SLC37A1: variants seen among roughly 807,000 people sequenced by gnomAD.
The protein encoded by SLC37A1 is glucose-6-phosphate exchanger SLC37A1.
SLC37A1 carries 49 observed loss-of-function variants against 75.3 expected under a neutral mutation model. The ratio of observed to expected loss-of-function variants is 0.65; its 90% CI spans 0.52 to 0.83. The LOEUF (loss-of-function observed/expected upper bound fraction) is 0.83, where lower values mean the gene tolerates loss of function less well. Ranked by LOEUF, SLC37A1 falls within the 40% of genes least tolerant of loss-of-function variation. The probability of loss-of-function intolerance (pLI) is 0.00; values close to 1 mark genes in which losing one functional copy is unlikely to be tolerated. For synonymous variants in SLC37A1, 268 were observed against 292.1 expected (o/e 0.92, Z 0.84); for missense variants, 566 against 695.0 (o/e 0.81, Z 2.09).
At position 42,545,478 on chromosome 21, in the gene SLC37A1, C is replaced by T. The variant is rs2055384743; in HGVS notation, c.731-1625C>T. Among the ~76,000 whole-genome samples, 1 of 152,292 alleles carries T rather than the reference C, an allele frequency of 6.6e-6. No individual in the cohort carries two copies. Among genetic ancestry groups the T allele is most frequent in the East Asian group, 1.9e-4 (1 of 5,180 alleles). On this transcript the variant is annotated intron_variant, in intron 8 of 19. Coordinates refer to ENST00000352133, the MANE Select transcript of SLC37A1 (RefSeq NM_001320537.2). The surrounding 1 kb of genome is among the most constrained non-coding windows in gnomAD (Gnocchi z 4.0). ...GCATCAGATGTGCCATTCTTGCGGTCAACAGAGGATGTGGCTTTCTCTGCT... is the reference window on the plus strand; with the variant it reads ...GCATCAGATGTGCCATTCTTGCGGTTAACAGAGGATGTGGCTTTCTCTGCT...
At chr21:42,565,912 C>T (rs1330351548) in intron 15 of SLC37A1, 37 bp downstream of exon 15, 23 of 1,600,128 alleles carry the variant, frequency 1.4e-5, no homozygotes, top group East Asian at 4.5e-5. Flanking sequence ...CTTCCACACA[C>T]GTTTTTAAAG....
intron 1 of SLC37A1, among the ~76,000 whole-genome samples, chr21:42,500,580 G>T (rs2054332566): frequency 6.6e-6 from 1 of 152,158 alleles, no homozygotes; most frequent in South Asian, 2.1e-4. Flanking sequence ...TTGTCTATCA[G>T]TATGTTTGGG....
intron 2 of SLC37A1, among the ~76,000 whole-genome samples, chr21:42,521,178 T>C (rs1038663915): frequency 6.6e-6 from 1 of 152,140 alleles, no homozygotes; most frequent in Non-Finnish European, 1.5e-5. Context: ...CCATATTCAT[T>C]ACTTAGAGGG....
At chr21:42,572,223 C>A (rs1161877565) in intron 17 of SLC37A1, among the ~76,000 whole-genome samples, 1 of 150,956 alleles carries the variant, frequency 6.6e-6, no homozygotes, top group East Asian at 1.9e-4. Context: ...GCTTTCTGAC[C>A]TTCTCTTTTT....
At chr21:42,499,847 A>T (rs936439327) in intron 1 of SLC37A1, 1 of 152,366 alleles carries the variant, frequency 6.6e-6, no homozygotes, top group Admixed American at 6.5e-5. Flanking sequence ...CAGGCTGGCC[A>T]TGGTTGATCT....
chr21:42,518,951 CAG>C (rs1351319147), intron 2 of SLC37A1, among the ~76,000 whole-genome samples: 1 of 152,224 alleles, frequency 6.6e-6, no homozygotes, highest in Non-Finnish European at 1.5e-5. Context: ...GCTTTCCGTT[CAG>C]AGAGTGCCTC....
At chr21:42,518,604 C>T in intron 2 of SLC37A1, 94 bp downstream of exon 2, 1 of 1,400,218 alleles carries the variant, frequency 7.1e-7, no homozygotes, top group Non-Finnish European at 1.0e-6. Context: ...CATTATAAAA[C>T]ACATAAAACT....
In SLC37A1 at chr21:42,562,021, T is replaced by C. The variant is rs575384839; in HGVS notation, c.982-57T>C. 3 of 1,409,956 alleles carry C rather than the reference T, an allele frequency of 2.1e-6. No homozygotes were observed. The Admixed American group carries it at 5.0e-5, about 24-fold the overall frequency. 87.3% of individuals were successfully genotyped at this position (1,409,956 alleles called of 1,614,324 possible). ...GTCATATTTAACTCTGTTGCATGTTTACACACACCTGCTGACTCCACATTT... is the reference window on the plus strand; with the variant it reads ...GTCATATTTAACTCTGTTGCATGTTCACACACACCTGCTGACTCCACATTT... On this transcript the variant is annotated intron_variant, in intron 11 of 19. Transcript: ENST00000352133.
chr21:42,574,790 C>G, intron 17 of SLC37A1, 28 bp from the exon 18 acceptor site: 1 of 1,612,150 alleles, frequency 6.2e-7, no homozygotes, highest in Non-Finnish European at 8.5e-7. Flanking sequence ...CTAAACAGCA[C>G]CATGTGTGTC....
At chr21:42,577,561 A>C (rs2056335201) in intron 18 of SLC37A1, among the ~76,000 whole-genome samples, 1 of 152,234 alleles carries the variant, frequency 6.6e-6, no homozygotes, top group Non-Finnish European at 1.5e-5. Context: ...TATGTTGTCA[A>C]GCCAATAGCA....
intron 18 of SLC37A1, among the ~76,000 whole-genome samples, chr21:42,577,783 T>A (rs1164289697): frequency 6.6e-6 from 1 of 152,194 alleles, no homozygotes; most frequent in South Asian, 2.1e-4. Context: ...CTTTTAAAAA[T>A]ACAGGCACTG....
intron 7 of SLC37A1, 134 bp from the exon 8 acceptor site, chr21:42,543,302 G>A: frequency 9.9e-7 from 1 of 1,005,678 alleles, no homozygotes; most frequent in Non-Finnish European, 1.6e-6. Flanking sequence ...GCATGGCACA[G>A]AAGCAGGGTC....
At chr21:42,567,704 G>A (rs116974550) in intron 16 of SLC37A1, among the ~76,000 whole-genome samples, 13,716 of 152,148 alleles carry the variant, frequency 0.09, 870 homozygotes, top group Non-Finnish European at 0.13. Flanking sequence ...TTTGAACGCT[G>A]GTTCATTTTT....
chr21:42,515,853 G>A (rs1361593623), intron 1 of SLC37A1, among the ~76,000 whole-genome samples: 3 of 152,164 alleles, frequency 2.0e-5, no homozygotes, highest in Non-Finnish European at 2.9e-5. Flanking sequence ...CCGCTTCCCA[G>A]GTTCAAGTGA....
rs59155326 is a variant in SLC37A1 at position 42,564,223 on chromosome 21, C to CAAA, written c.1135+360_1135+362dup. ...GGCAACATAACAAGACCCCTCTCTA[C>CAAA]AAAAAAAAAAAAAAAAGCATAGCTG... On this transcript the variant is annotated intron_variant, in intron 13 of 19. Transcript: ENST00000352133. Among the ~76,000 whole-genome samples, 2 of 79,982 alleles carry CAAA rather than the reference C, an allele frequency of 2.5e-5. 1 individual carries two copies. Among genetic ancestry groups the CAAA allele is most frequent in the Admixed American group, 3.2e-4 (2 of 6,290 alleles). The allele number at this position is 79,982 out of a possible 152,430, so 52.5% of individuals were successfully genotyped here.
chr21:42,561,281 G>A (rs1314596336), intron 11 of SLC37A1, among the ~76,000 whole-genome samples: 1 of 152,170 alleles, frequency 6.6e-6, no homozygotes, highest in African/African-American at 2.4e-5. Flanking sequence ...ATGGCATCTG[G>A]AATTTTTATC....
chr21:42,535,935 A>G (rs1386968607), intron 5 of SLC37A1, among the ~76,000 whole-genome samples: 2 of 152,220 alleles, frequency 1.3e-5, no homozygotes, highest in Non-Finnish European at 2.9e-5. Context: ...AGAGGTTGCC[A>G]TCTGTTTATA....
rs1024823518 is a variant in SLC37A1 at position 42,533,649 on chromosome 21, C to T, written c.139-1049C>T. Among the ~76,000 whole-genome samples the T allele has an allele frequency of 3.2e-4, 48 of 151,908 alleles. 1 individual carries two copies. The highest frequency in any genetic ancestry group is 2.0e-4 in the Admixed American group (3 of 15,242). On this transcript the variant is annotated intron_variant, in intron 3 of 19. Coordinates refer to ENST00000352133, the MANE Select transcript of SLC37A1 (RefSeq NM_001320537.2). The stretch of plus-strand genomic sequence containing the variant: ...CACCCACTCAGGCCCCTCTGCCTCC[C>T]GACACATGAGCTTTCCTCTCTGCCC...
intron 2 of SLC37A1, among the ~76,000 whole-genome samples, chr21:42,505,363 C>T (rs1434625484): frequency 2.0e-5 from 3 of 152,152 alleles, no homozygotes; most frequent in African/African-American, 7.2e-5. Context: ...GCTGTTTGTT[C>T]TCTGCTTGGA....
Sources: allele counts gnomAD v4.1 joint callset (sites outside exome capture counted in the v4.1 genomes callset), GRCh38; gene constraint gnomAD v4.1.1; non-coding constraint Gnocchi (gnomAD v3.1); transcripts MANE v1.5; gene names NCBI Gene and HGNC (gene_info 2026-07-23, HGNC 2026-07-21).